FBXO36: variants seen among roughly 807,000 people sequenced by gnomAD.
FBXO36 encodes F-box protein 36.
FBXO36 carries 18 observed loss-of-function variants against 17.0 expected under a neutral mutation model. That is an observed-to-expected ratio of 1.06 (90% CI 0.73 to 1.57). The LOEUF (loss-of-function observed/expected upper bound fraction) is 1.57, where lower values mean the gene tolerates loss of function less well. Among genes scored for constraint, FBXO36 ranks in the 40% most tolerant of loss-of-function variants. FBXO36 has a pLI of 0.00. For missense variants in FBXO36, 229 were observed against 221.9 expected (o/e 1.03, Z -0.20); for synonymous variants, 83 against 85.3 (o/e 0.97, Z 0.15).
intron 1 of FBXO36, chr2:229,939,156 C>T (rs2076983786): frequency 1.2e-6 from 1 of 865,912 alleles, no homozygotes; most frequent in Non-Finnish European, 1.4e-6. Flanking sequence ...CGGGTTCAAG[C>T]GATTCTCCTG....
chr2:229,992,471 T>C (rs1051619991), intron 2 of FBXO36, among the ~76,000 whole-genome samples: 1 of 152,174 alleles, frequency 6.6e-6, no homozygotes, highest in African/African-American at 2.4e-5. Context: ...ACTTAATCTT[T>C]TGTCTTCATC....
At chr2:229,947,241 A>T (rs758530540) in intron 1 of FBXO36, among the ~76,000 whole-genome samples, 1 of 152,174 alleles carries the variant, frequency 6.6e-6, no homozygotes, top group Non-Finnish European at 1.5e-5. Flanking sequence ...GTAAGGCAGG[A>T]AGGGTTTTAT....
Position 230,000,856 on chromosome 2 carries a change from T to C in FBXO36, c.378+3933T>C, listed in dbSNP as rs956184653. Among the ~76,000 whole-genome samples, 639 of 89,158 alleles carry C rather than the reference T, an allele frequency of 7.2e-3. 6 individuals carry two copies. Among genetic ancestry groups the C allele is most frequent in the African/African-American group, 0.021 (568 of 26,574 alleles). The allele number at this position is 89,158 out of a possible 152,430, so 58.5% of individuals were successfully genotyped here. A position where few individuals can be genotyped will look rare whatever the true frequency, so the allele number is the denominator to read the frequency against. On this transcript the variant is annotated intron_variant, in intron 3 of 3. Coordinates refer to ENST00000283946, the MANE Select transcript of FBXO36 (RefSeq NM_174899.5). ...GCATAACATTAACCACTTTTCTTTTTTTTTTTTTTTTTTTTTTGAGTCAGA... is the reference window on the plus strand; with the variant it reads ...GCATAACATTAACCACTTTTCTTTTCTTTTTTTTTTTTTTTTTGAGTCAGA...
chr2:230,002,219 T>C (rs1005949309), intron 3 of FBXO36, among the ~76,000 whole-genome samples: 2 of 152,164 alleles, frequency 1.3e-5, no homozygotes, highest in African/African-American at 4.8e-5. Flanking sequence ...TTATAAAAAC[T>C]AGGCAATTAA....
intron 2 of FBXO36, among the ~76,000 whole-genome samples, chr2:229,994,878 G>A (rs1187009571): frequency 6.6e-6 from 1 of 152,186 alleles, no homozygotes; most frequent in Non-Finnish European, 1.5e-5. Flanking sequence ...CACTTTGGGA[G>A]GCTGAGGCGG....
intron 3 of FBXO36, among the ~76,000 whole-genome samples, chr2:230,005,840 G>A (rs2077384454): frequency 6.6e-6 from 1 of 151,930 alleles, no homozygotes; most frequent in Non-Finnish European, 1.5e-5. Flanking sequence ...GCTAATTTTT[G>A]TATTTTTAGT....
chr2:229,989,692 C>T (rs1024778336), intron 2 of FBXO36, among the ~76,000 whole-genome samples: 6 of 151,352 alleles, frequency 4.0e-5, no homozygotes, highest in Non-Finnish European at 8.8e-5. Context: ...TCCAGAGTAG[C>T]TGGGATTACA....
In FBXO36 at chr2:229,996,856, C is replaced by T; in HGVS notation, c.311C>T (p.Thr104Ile). Residue 104 changes from threonine to isoleucine, a missense_variant, in exon 3 of 4, where the codon ACT becomes ATT. Thr to Ile is a moderately conservative substitution (Grantham distance 89, BLOSUM62 -1). Coordinates refer to ENST00000283946, the MANE Select transcript of FBXO36 (RefSeq NM_174899.5). ...CGGCTCTCAGACGATTTGCTCCTGACTATCATTTCTTATCTGGATCTTGAA... is the reference window on the plus strand; with the variant it reads ...CGGCTCTCAGACGATTTGCTCCTGATTATCATTTCTTATCTGGATCTTGAA... ...LERLSDDLLLTIISYLDLEDI... is the reference protein window; with the variant it reads ...LERLSDDLLLIIISYLDLEDI... The T allele has an allele frequency of 6.2e-7, 1 of 1,614,108 alleles. No homozygotes were observed. The highest frequency in any genetic ancestry group is 1.3e-5 in the African/African-American group (1 of 75,050).
At chr2:230,008,324 A>G (rs2077397642) in intron 3 of FBXO36, among the ~76,000 whole-genome samples, 1 of 152,114 alleles carries the variant, frequency 6.6e-6, no homozygotes, top group South Asian at 2.1e-4. Flanking sequence ...CTTCAACTTG[A>G]CAATTTATGT....
chr2:229,935,662 CAG>C (rs2076960073), intron 1 of FBXO36, among the ~76,000 whole-genome samples: 1 of 152,126 alleles, frequency 6.6e-6, no homozygotes, highest in Non-Finnish European at 1.5e-5. Context: ...AACTCTGAAA[CAG>C]AAGTCTTCCT....
chr2:229,932,951 C>A, intron 1 of FBXO36: 1 of 217,124 alleles, frequency 4.6e-6, no homozygotes. Flanking sequence ...CCTGTAATCC[C>A]AGCTACTCAG....
Position 230,012,607 on chromosome 2 carries a change from G to A in FBXO36, c.*1723G>A, listed in dbSNP as rs2077421520. On this transcript the variant is annotated 3_prime_UTR_variant, in exon 4 of 4. Transcript: ENST00000283946. ...AGGTAAAGGTAACCAGCAGGCAGCTGAGAGCAAGAAGGCACGTGCTCTGCA... is the reference window on the plus strand; with the variant it reads ...AGGTAAAGGTAACCAGCAGGCAGCTAAGAGCAAGAAGGCACGTGCTCTGCA... The A allele has an allele frequency of 6.6e-6, 1 of 151,926 alleles. No individual in the cohort carries two copies. The highest frequency in any genetic ancestry group is 2.1e-4 in the South Asian group (1 of 4,836). The allele number at this position is 151,926 out of a possible 1,614,324, so 9.4% of individuals were successfully genotyped here.
chr2:229,934,836 G>A (rs976626738), intron 1 of FBXO36, among the ~76,000 whole-genome samples: 40 of 152,036 alleles, frequency 2.6e-4, no homozygotes, highest in Non-Finnish European at 3.2e-4. Flanking sequence ...CATGTTTTTC[G>A]TAGAGATGGG....
chr2:229,922,546 A>C lies in FBXO36; in HGVS notation c.33A>C (p.Glu11Asp). The change falls in exon 1 of 4, where the codon GAA (glutamate) becomes GAC (aspartate). Residue 11 changes from glutamate (E) to aspartate (D), a missense_variant. By Grantham distance (45) the Glu-to-Asp change is conservative. Transcript: ENST00000283946. MASWLPETLF[E>D]TVGQGPPPSK... ...CGTGGCTGCCGGAGACTCTCTTTGA[A>C]ACTGTAGGACAAGGCCCGCCGCCTA... 1 of 1,613,872 alleles carries C rather than the reference A, an allele frequency of 6.2e-7. No homozygotes were observed. The highest frequency in any genetic ancestry group is 8.5e-7 in the Non-Finnish European group (1 of 1,179,986).
intron 2 of FBXO36, among the ~76,000 whole-genome samples, chr2:229,996,289 A>G (rs1222417375): frequency 6.6e-6 from 1 of 152,056 alleles, no homozygotes; most frequent in African/African-American, 2.4e-5. Context: ...AATAAGTTAA[A>G]TAAGAGATCA....
At chr2:229,930,524 G>C (rs936961966) in intron 1 of FBXO36, among the ~76,000 whole-genome samples, 7 of 152,030 alleles carry the variant, frequency 4.6e-5, no homozygotes, top group Non-Finnish European at 1.0e-4. Flanking sequence ...GTCAAGGTGG[G>C]CAGATCACCT....
At chr2:229,932,520 CA>C (rs894470157) in intron 1 of FBXO36, among the ~76,000 whole-genome samples, 6 of 146,464 alleles carry the variant, frequency 4.1e-5, no homozygotes, top group South Asian at 2.2e-4. Context: ...AACTTTGTCT[CA>C]AAAAAAAAAT....
At chr2:230,003,520 T>C (rs565561870) in intron 3 of FBXO36, among the ~76,000 whole-genome samples, 1 of 138,192 alleles carries the variant, frequency 7.2e-6, no homozygotes, top group South Asian at 2.4e-4. Flanking sequence ...AAAGGGCCTG[T>C]TTCAGGTGTT....
intron 1 of FBXO36, among the ~76,000 whole-genome samples, chr2:229,948,805 C>A (rs1351238271): frequency 1.3e-5 from 2 of 152,178 alleles, no homozygotes; most frequent in Non-Finnish European, 2.9e-5. Context: ...GGGTTATGGA[C>A]TGCCTACTGC....
Sources: gnomAD v4.1 joint callset for allele counts (sites outside exome capture counted in the v4.1 genomes callset) on GRCh38, gnomAD v4.1.1 for gene constraint, MANE v1.5 for transcripts, NCBI Gene and HGNC (gene_info 2026-07-23, HGNC 2026-07-21) for gene names.